ARHGAP8: variants seen among roughly 807,000 people sequenced by gnomAD.
ARHGAP8 encodes Rho GTPase activating protein 8.
In ARHGAP8, 62 loss-of-function variants were observed where a neutral mutation model predicts 46.1. The ratio of observed to expected loss-of-function variants is 1.34; its 90% CI spans 1.10 to 1.66. The LOEUF (loss-of-function observed/expected upper bound fraction) is 1.66. Ranked by LOEUF, ARHGAP8 falls within the 40% of genes most tolerant of loss-of-function variation. The pLI, the probability that ARHGAP8 is intolerant of heterozygous loss-of-function variation, is 0.00. For synonymous variants in ARHGAP8, 375 were observed against 243.1 expected, an observed-to-expected ratio of 1.54 and a Z score of -5.05; for missense variants, 923 against 568.4, an observed-to-expected ratio of 1.62 and a Z score of -6.34.
At chr22:44,809,125 C>G (rs749777828) in intron 4 of ARHGAP8, 25 of 470,890 alleles carry the variant, frequency 5.3e-5, no homozygotes, top group African/African-American at 2.6e-4. Flanking sequence ...CAAGCCAACA[C>G]TCTTGTTCTT....
intron 2 of ARHGAP8, among the ~76,000 whole-genome samples, chr22:44,786,873 C>T (rs766127016): frequency 6.6e-6 from 1 of 151,832 alleles, no homozygotes; most frequent in Non-Finnish European, 1.5e-5. Flanking sequence ...AAAAATCAGC[C>T]GAGCATGGTG....
At chr22:44,822,344 T>C in intron 5 of ARHGAP8, 27 bp from the exon 6 acceptor site, 1 of 1,573,806 alleles carries the variant, frequency 6.4e-7, no homozygotes, top group South Asian at 1.2e-5. Context: ...CTAATCGTTC[T>C]TTATTCTCTT....
At chr22:44,755,862 C>T (rs1025677580) in intron 1 of ARHGAP8, among the ~76,000 whole-genome samples, 5 of 152,176 alleles carry the variant, frequency 3.3e-5, no homozygotes, top group Non-Finnish European at 7.3e-5. Context: ...GCCTTCCTCT[C>T]TCTTGACCTG....
intron 7 of ARHGAP8, among the ~76,000 whole-genome samples, chr22:44,844,257 A>G (rs1290527349): frequency 6.6e-6 from 1 of 152,154 alleles, no homozygotes; most frequent in Non-Finnish European, 1.5e-5. Flanking sequence ...GGCGTGAGCT[A>G]CTGTGCCCGG....
chr22:44,786,120 G>A (rs1927198908), intron 1 of ARHGAP8: 1 of 430,348 alleles, frequency 2.3e-6, no homozygotes, highest in Non-Finnish European at 4.3e-6. Context: ...CACAGTGGGT[G>A]CATGGCTGAG....
intron 10 of ARHGAP8, among the ~76,000 whole-genome samples, chr22:44,855,959 A>G (rs1021752946): frequency 6.6e-6 from 1 of 152,226 alleles, no homozygotes; most frequent in Non-Finnish European, 1.5e-5. Context: ...GCTTTCAATT[A>G]TGACGGAGGG....
intron 8 of ARHGAP8, 37 bp from the exon 9 acceptor site, chr22:44,847,936 G>A (rs2069997435): frequency 2.5e-6 from 4 of 1,603,596 alleles, no homozygotes; most frequent in Non-Finnish European, 3.4e-6. Context: ...CCTTTGGGCT[G>A]GGACCTGTGA....
intron 5 of ARHGAP8, among the ~76,000 whole-genome samples, chr22:44,821,275 C>CA (rs954136774): frequency 9.9e-5 from 15 of 151,878 alleles, no homozygotes; most frequent in East Asian, 3.9e-4. Context: ...ACTAAAAATA[C>CA]AAAAATTAGC....
chr22:44,811,738 G>A (rs1335498733), intron 4 of ARHGAP8, among the ~76,000 whole-genome samples: 1 of 152,194 alleles, frequency 6.6e-6, no homozygotes, highest in Non-Finnish European at 1.5e-5. Context: ...GAGATCGCCT[G>A]TAATCCCAGC....
At chr22:44,857,392 T>G (rs2070258044) in intron 10 of ARHGAP8, among the ~76,000 whole-genome samples, 1 of 152,160 alleles carries the variant, frequency 6.6e-6, no homozygotes, top group Non-Finnish European at 1.5e-5. Context: ...CTCCCCATCT[T>G]AGGTTCCTTG....
At chr22:44,833,236 A>G (rs191613060) in intron 7 of ARHGAP8, among the ~76,000 whole-genome samples, 40 of 151,694 alleles carry the variant, frequency 2.6e-4, no homozygotes, top group Admixed American at 1.3e-3. Context: ...AGCTGGTACT[A>G]TAGGTATATA....
intron 2 of ARHGAP8, among the ~76,000 whole-genome samples, chr22:44,787,922 T>TTTA (rs1927381801): frequency 7.6e-6 from 1 of 130,726 alleles, no homozygotes; most frequent in Non-Finnish European, 1.6e-5. Context: ...AAATGTCCTT[T>TTTA]TTTTTTTTTT....
At position 44,759,795 on chromosome 22, in the gene ARHGAP8, G is replaced by A. The variant is rs148887886; in HGVS notation, c.-72+7168G>A. On this transcript the variant is annotated intron_variant, in intron 1 of 11. Transcript: ENST00000356099. ...TTCTGAATTAACCTTTGAAAAGGGA[G>A]ATATGATTACTCTTAGCCTAACTGG... Among the ~76,000 whole-genome samples the A allele has an allele frequency of 7.4e-3, 1,135 of 152,364 alleles. 10 individuals carry two copies. Among genetic ancestry groups the A allele is most frequent in the African/African-American group, 0.026 (1,094 of 41,590 alleles).
intron 10 of ARHGAP8, among the ~76,000 whole-genome samples, chr22:44,857,900 T>C (rs892155432): frequency 6.7e-6 from 1 of 148,516 alleles, no homozygotes; most frequent in Non-Finnish European, 1.5e-5. Flanking sequence ...GACGCTCAGC[T>C]CACCAGTCCT....
At chr22:44,858,746 G>C (rs533759451) in intron 10 of ARHGAP8, among the ~76,000 whole-genome samples, 1 of 131,892 alleles carries the variant, frequency 7.6e-6, no homozygotes, top group African/African-American at 2.7e-5. Context: ...GGGGGTCTCA[G>C]AGTGGGGGCC....
At chr22:44,839,492 C>T (rs1473552089) in intron 7 of ARHGAP8, among the ~76,000 whole-genome samples, 1 of 152,202 alleles carries the variant, frequency 6.6e-6, no homozygotes, top group Non-Finnish European at 1.5e-5. Context: ...ATACCATGTG[C>T]ACCTGATAAA....
In ARHGAP8 at chr22:44,827,336, G is replaced by GTTTTTTTTTT. The variant is rs796490147; in HGVS notation, c.596+1760_596+1769dup. 9.7e-3 allele frequency among the ~76,000 whole-genome samples: 655 copies of GTTTTTTTTTT among 67,258 alleles called. 164 individuals carry two copies. Among genetic ancestry groups the GTTTTTTTTTT allele is most frequent in the African/African-American group, 0.032 (540 of 17,064 alleles). 44.1% of individuals were successfully genotyped at this position (67,258 alleles called of 152,430 possible). A position where few individuals can be genotyped will look rare whatever the true frequency, so the allele number is the denominator to read the frequency against. Reference sequence around the variant, plus strand: ...GGTGAGATAATACATTTGGGTGGTGGTTTTTTTTTTTTTTTTTTTTTTTTT... The same window carrying GTTTTTTTTTT: ...GGTGAGATAATACATTTGGGTGGTGGTTTTTTTTTTTTTTTTTTTTTTTTTTTTTTTTTTT... On this transcript the variant is annotated intron_variant, in intron 7 of 11. Coordinates refer to ENST00000356099, the MANE Select transcript of ARHGAP8 (RefSeq NM_181335.3).
intron 1 of ARHGAP8, among the ~76,000 whole-genome samples, chr22:44,774,061 T>C (rs966108033): frequency 6.6e-6 from 1 of 152,198 alleles, no homozygotes; most frequent in Non-Finnish European, 1.5e-5. Context: ...AACTAAGAAA[T>C]GGAGACACGG....
intron 11 of ARHGAP8, among the ~76,000 whole-genome samples, chr22:44,861,485 GGCATCCAGCCATCTCACCTGA>G (rs2070481020): frequency 6.6e-6 from 1 of 152,094 alleles, no homozygotes; most frequent in Non-Finnish European, 1.5e-5. Flanking sequence ...GAGCCTGAAA[GGCATCCAGCCATCTCACCTGA>G]GCATCCTCAA....
Sources: allele counts gnomAD v4.1 joint callset (sites outside exome capture counted in the v4.1 genomes callset), GRCh38; gene constraint gnomAD v4.1.1; transcripts MANE v1.5; gene names NCBI Gene and HGNC (gene_info 2026-07-23, HGNC 2026-07-21).